Variants in MARCHF4 observed in about 807,000 individuals in gnomAD.
MARCHF4 encodes E3 ubiquitin-protein ligase MARCHF4.
MARCHF4 carries 14 observed loss-of-function variants against 43.9 expected under a neutral mutation model. That is an observed-to-expected ratio of 0.32 (90% CI 0.21 to 0.50). The LOEUF (loss-of-function observed/expected upper bound fraction) is 0.50, where lower values mean the gene tolerates loss of function less well. Ranked by LOEUF, MARCHF4 falls within the 20% of genes least tolerant of loss-of-function variation. The probability of loss-of-function intolerance (pLI) is 0.98; values close to 1 mark genes in which losing one functional copy is unlikely to be tolerated. For synonymous variants in MARCHF4, 226 were observed against 213.3 expected (o/e 1.06, Z -0.52); for missense variants, 468 against 536.7 (o/e 0.87, Z 1.27).
chr2:216,275,108 A>G (rs547665315), intron 3 of MARCHF4, among the ~76,000 whole-genome samples: 1 of 152,372 alleles, frequency 6.6e-6, no homozygotes, highest in South Asian at 2.1e-4. Context: ...AGAAAGGGAA[A>G]CAATGAAAAC....
At chr2:216,327,176 A>G (rs1168679133) in intron 1 of MARCHF4, among the ~76,000 whole-genome samples, 1 of 151,978 alleles carries the variant, frequency 6.6e-6, no homozygotes, top group Non-Finnish European at 1.5e-5. Context: ...GATATAATTT[A>G]CACACAGTGA....
chr2:216,322,911 T>C (rs955460995), intron 1 of MARCHF4, among the ~76,000 whole-genome samples: 1 of 152,170 alleles, frequency 6.6e-6, no homozygotes, highest in African/African-American at 2.4e-5. Flanking sequence ...CATTATACCA[T>C]AAGATGTCCT....
intron 1 of MARCHF4, among the ~76,000 whole-genome samples, chr2:216,322,302 A>G (rs1691909619): frequency 6.6e-6 from 1 of 152,234 alleles, no homozygotes; most frequent in Admixed American, 6.5e-5. Flanking sequence ...CGATTGGCCC[A>G]CTGGTGATAA....
chr2:216,328,286 C>T (rs1692027908), intron 1 of MARCHF4, among the ~76,000 whole-genome samples: 1 of 152,224 alleles, frequency 6.6e-6, no homozygotes, highest in Admixed American at 6.5e-5. Flanking sequence ...TCTCCTGCCT[C>T]AGCCTCCCAA....
At chr2:216,266,892 C>T (rs891209534) in intron 3 of MARCHF4, among the ~76,000 whole-genome samples, 1 of 152,186 alleles carries the variant, frequency 6.6e-6, no homozygotes, top group African/African-American at 2.4e-5. Context: ...CAGGTATGGC[C>T]AGGCTACACG....
intron 1 of MARCHF4, among the ~76,000 whole-genome samples, chr2:216,356,645 C>T (rs1692507417): frequency 6.6e-6 from 1 of 152,070 alleles, no homozygotes; most frequent in East Asian, 1.9e-4. Context: ...CACAATTATT[C>T]CAAGTCTGAA....
intron 1 of MARCHF4, among the ~76,000 whole-genome samples, chr2:216,342,688 C>G (rs1692255694): frequency 6.6e-6 from 1 of 151,940 alleles, no homozygotes; most frequent in Admixed American, 6.5e-5. Context: ...CAGAGACCCC[C>G]TAGGAGGGGC....
At chr2:216,290,797 G>C (rs148792835) in intron 1 of MARCHF4, among the ~76,000 whole-genome samples, 3 of 152,142 alleles carry the variant, frequency 2.0e-5, no homozygotes, top group African/African-American at 7.2e-5. Context: ...AGTCAAGAAT[G>C]ATGCTAATTT....
At chr2:216,268,269 T>C (rs1028260742) in intron 3 of MARCHF4, among the ~76,000 whole-genome samples, 10 of 152,240 alleles carry the variant, frequency 6.6e-5, no homozygotes, top group African/African-American at 2.4e-4. Flanking sequence ...GAACTAACTG[T>C]AGAGAGAGGG....
At chr2:216,266,485 A>G (rs1186214232) in intron 3 of MARCHF4, among the ~76,000 whole-genome samples, 1 of 152,196 alleles carries the variant, frequency 6.6e-6, no homozygotes, top group Non-Finnish European at 1.5e-5. Context: ...CTGACTCCCC[A>G]GCCCTCAGTC....
chr2:216,366,503 C>A (rs1007690538), intron 1 of MARCHF4, among the ~76,000 whole-genome samples: 1 of 152,026 alleles, frequency 6.6e-6, no homozygotes, highest in African/African-American at 2.4e-5. Context: ...ACATCTATCT[C>A]TCTCTCTCTC....
At chr2:216,267,634 C>T (rs2105933154) in intron 3 of MARCHF4, among the ~76,000 whole-genome samples, 1 of 152,278 alleles carries the variant, frequency 6.6e-6, no homozygotes, top group African/African-American at 2.4e-5. Context: ...AGGTTAGGGA[C>T]CACACAAGAA....
intron 1 of MARCHF4, 99 bp from the exon 2 acceptor site, chr2:216,283,828 C>A (rs1166705266): frequency 5.5e-6 from 7 of 1,266,830 alleles, no homozygotes; most frequent in Non-Finnish European, 7.5e-6. Context: ...GTTTGAGCCA[C>A]CCAAGTAGGC....
intron 3 of MARCHF4, among the ~76,000 whole-genome samples, chr2:216,276,334 G>A (rs1385605734): frequency 6.8e-6 from 1 of 146,730 alleles, no homozygotes; most frequent in Non-Finnish European, 1.5e-5. Context: ...GGTGGGAGGG[G>A]GAAAGAAATT....
At chr2:216,287,482 G>A (rs1691233927) in intron 1 of MARCHF4, among the ~76,000 whole-genome samples, 1 of 151,876 alleles carries the variant, frequency 6.6e-6, no homozygotes, top group Non-Finnish European at 1.5e-5. Context: ...GACTGCCCTG[G>A]GAATGACTAA....
intron 2 of MARCHF4, among the ~76,000 whole-genome samples, chr2:216,280,218 G>T (rs949550252): frequency 2.0e-5 from 3 of 151,958 alleles, no homozygotes; most frequent in African/African-American, 7.3e-5. Flanking sequence ...CTGGGAGGGG[G>T]AGAAGGACAC....
At chr2:216,345,206 G>C (rs1282961267) in intron 1 of MARCHF4, among the ~76,000 whole-genome samples, 1 of 151,866 alleles carries the variant, frequency 6.6e-6, no homozygotes, top group African/African-American at 2.4e-5. Flanking sequence ...TGCTGGTTTG[G>C]AGGGCCTCTG....
chr2:216,304,822 C>G (rs377245598), intron 1 of MARCHF4, among the ~76,000 whole-genome samples: 1 of 152,020 alleles, frequency 6.6e-6, no homozygotes, highest in Non-Finnish European at 1.5e-5. Context: ...GGCATGGTGG[C>G]ATGTGTTTGT....
chr2:216,317,858 G>C (rs1417002882), intron 1 of MARCHF4, among the ~76,000 whole-genome samples: 2 of 152,230 alleles, frequency 1.3e-5, no homozygotes, highest in Non-Finnish European at 2.9e-5. Context: ...AGAGAATTCT[G>C]CAATTCCAGG....
Sources: gnomAD v4.1 joint callset for allele counts (sites outside exome capture counted in the v4.1 genomes callset) on GRCh38, gnomAD v4.1.1 for gene constraint, MANE v1.5 for transcripts, NCBI Gene and HGNC (gene_info 2026-07-23, HGNC 2026-07-21) for gene names.